The following ARHGAP42 variants were observed in gnomAD, a reference collection of about 807,000 sequenced individuals.
The protein encoded by ARHGAP42 is rho GTPase-activating protein 42.
A neutral mutation model predicts 125.0 loss-of-function variants in ARHGAP42; 63 were observed. The observed-to-expected ratio is 0.50, with a 90% confidence interval of 0.41 to 0.62. ARHGAP42 has a LOEUF of 0.62. ARHGAP42 is among the 20% of genes least tolerant of loss of function. The pLI is 0.00. For synonymous variants in ARHGAP42, 339 were observed against 351.0 expected, an observed-to-expected ratio of 0.97 and a Z score of 0.38; for missense variants, 766 against 1,024.2, an observed-to-expected ratio of 0.75 and a Z score of 3.44.
intron 2 of ARHGAP42, among the ~76,000 whole-genome samples, chr11:100,782,264 T>A (rs2135012647): frequency 6.6e-6 from 1 of 152,354 alleles, no homozygotes; most frequent in East Asian, 1.9e-4. Flanking sequence ...ATATATGTGA[T>A]TCATTATAAC....
rs570406213 is a variant in ARHGAP42 at position 100,937,125 on chromosome 11, A to G, written c.832+793A>G. On this transcript the variant is annotated intron_variant, in intron 8 of 23. Transcript: ENST00000298815. ...TTTGTTGGAGAGCAGGACACACACA[A>G]ATTTGATTTGATCCAGCAGACTCTG... Among the ~76,000 whole-genome samples, 30 of 152,292 alleles carry G rather than the reference A, an allele frequency of 2.0e-4. No homozygotes were observed. In the South Asian group the frequency reaches 6.0e-3, roughly 30 times the overall value.
At chr11:100,769,963 T>A (rs1862935303) in intron 1 of ARHGAP42, among the ~76,000 whole-genome samples, 1 of 152,102 alleles carries the variant, frequency 6.6e-6, no homozygotes, top group African/African-American at 2.4e-5. Context: ...CTGCACATCC[T>A]GGCTGTGTAT....
At chr11:100,698,594 T>A (rs1861332689) in intron 1 of ARHGAP42, among the ~76,000 whole-genome samples, 1 of 152,168 alleles carries the variant, frequency 6.6e-6, no homozygotes, top group African/African-American at 2.4e-5. Flanking sequence ...GACGGGAGAA[T>A]CACTTGAACC....
chr11:100,964,371 G>C (rs901920394), intron 16 of ARHGAP42, among the ~76,000 whole-genome samples: 1 of 151,988 alleles, frequency 6.6e-6, no homozygotes, highest in Non-Finnish European at 1.5e-5. Context: ...GAGTAGATTT[G>C]GTCACTTCAG....
At chr11:100,763,007 T>C (rs1862744913) in intron 1 of ARHGAP42, among the ~76,000 whole-genome samples, 2 of 139,802 alleles carry the variant, frequency 1.4e-5, no homozygotes. Flanking sequence ...GAGATGGAGT[T>C]TTGCTGTTGT....
At position 100,993,580 on chromosome 11, in the gene ARHGAP42, A is replaced by G. The variant is rs1321395137; in HGVS notation, c.*4779A>G. On this transcript the variant is annotated 3_prime_UTR_variant, in exon 24 of 24. Coordinates refer to ENST00000298815, the MANE Select transcript of ARHGAP42 (RefSeq NM_152432.4). ...ACAAATAGGGAATTTGGCAGGGAAG[A>G]CACCTGGGTTTTTAATTCAGAACCC... 1 of 167,072 alleles carries G rather than the reference A, an allele frequency of 6.0e-6. No individual in the cohort carries two copies. The highest frequency in any genetic ancestry group is 1.9e-4 in the East Asian group (1 of 5,190). The allele number at this position is 167,072 out of a possible 1,614,324, so 10.3% of individuals were successfully genotyped here.
chr11:100,728,704 A>C, intron 1 of ARHGAP42, among the ~76,000 whole-genome samples: 1 of 125,650 alleles, frequency 8.0e-6, no homozygotes, highest in African/African-American at 3.1e-5. Flanking sequence ...AATTATATGA[A>C]TGACTTTGCG....
intron 4 of ARHGAP42, among the ~76,000 whole-genome samples, chr11:100,867,547 A>G (rs1254411372): frequency 6.6e-6 from 1 of 152,218 alleles, no homozygotes; most frequent in Non-Finnish European, 1.5e-5. Context: ...AATTGAAGCG[A>G]GTTAGGACCG....
chr11:100,716,856 G>T (rs1469807951), intron 1 of ARHGAP42, among the ~76,000 whole-genome samples: 2 of 152,066 alleles, frequency 1.3e-5, no homozygotes. Flanking sequence ...ATTGGGTGGA[G>T]CAAAAATAAA....
At chr11:100,913,399 GT>G in intron 4 of ARHGAP42, 52 bp from the exon 5 acceptor site, 1 of 844,438 alleles carries the variant, frequency 1.2e-6, no homozygotes, top group Non-Finnish European at 1.6e-6. Flanking sequence ...GAAAGTCGGG[GT>G]TTTCTGGGTG....
At chr11:100,732,204 G>A (rs568691881) in intron 1 of ARHGAP42, among the ~76,000 whole-genome samples, 33 of 152,158 alleles carry the variant, frequency 2.2e-4, no homozygotes, top group Admixed American at 1.2e-3. Flanking sequence ...TGATCCTCCC[G>A]CATCAGCCTC....
chr11:100,809,788 C>G (rs1261427540), intron 3 of ARHGAP42, among the ~76,000 whole-genome samples: 1 of 152,038 alleles, frequency 6.6e-6, no homozygotes, highest in Non-Finnish European at 1.5e-5. Context: ...AACCCTGTTT[C>G]TGCAAAAAAT....
intron 1 of ARHGAP42, among the ~76,000 whole-genome samples, chr11:100,711,102 TTCC>T (rs1174616399): frequency 1.3e-5 from 2 of 152,248 alleles, no homozygotes; most frequent in Non-Finnish European, 2.9e-5. Context: ...CACTGTGATA[TTCC>T]AGAGCTTAGG....
chr11:100,708,745 G>A (rs1418595598), intron 1 of ARHGAP42, among the ~76,000 whole-genome samples: 2 of 151,914 alleles, frequency 1.3e-5, no homozygotes, highest in Non-Finnish European at 2.9e-5. Flanking sequence ...TATTATAATT[G>A]TATCACAGTA....
At position 100,804,272 on chromosome 11, in the gene ARHGAP42, G is replaced by T. The variant is rs1470475087; in HGVS notation, c.312+9106G>T. ...CTCAAAGTACTAGGATTGCAGGCATGAGCCACTGTGCCCAGCCTGTCTTTT... is the reference window on the plus strand; with the variant it reads ...CTCAAAGTACTAGGATTGCAGGCATTAGCCACTGTGCCCAGCCTGTCTTTT... On this transcript the variant is annotated intron_variant, in intron 3 of 23. Transcript: ENST00000298815. 2.6e-5 allele frequency among the ~76,000 whole-genome samples: 4 copies of T among 152,138 alleles called. No individual in the cohort carries two copies. The East Asian group carries it at 7.7e-4, about 29-fold the overall frequency.
chr11:100,764,565 C>T (rs575379781), intron 1 of ARHGAP42, among the ~76,000 whole-genome samples: 19 of 152,106 alleles, frequency 1.2e-4, no homozygotes, highest in Non-Finnish European at 1.5e-4. Flanking sequence ...TGAAAGTGTA[C>T]ATTAAAGCTG....
At chr11:100,797,033 C>T (rs1324322967) in intron 3 of ARHGAP42, among the ~76,000 whole-genome samples, 1 of 152,190 alleles carries the variant, frequency 6.6e-6, no homozygotes, top group Non-Finnish European at 1.5e-5. Flanking sequence ...TCCCAAAATG[C>T]TGGGATTACA....
chr11:100,786,047 C>T (rs893821394), intron 2 of ARHGAP42, among the ~76,000 whole-genome samples: 4 of 152,108 alleles, frequency 2.6e-5, no homozygotes, highest in Non-Finnish European at 4.4e-5. Flanking sequence ...TTCAGCACCT[C>T]ATATTATGAT....
chr11:100,779,465 A>AT (rs1395445182), intron 2 of ARHGAP42, among the ~76,000 whole-genome samples: 1,548 of 91,828 alleles, frequency 0.017, 35 homozygotes, highest in East Asian at 0.067. Flanking sequence ...AAAAAAAAAA[A>AT]AAATATATAT....
Sources: gnomAD v4.1 joint callset for allele counts (sites outside exome capture counted in the v4.1 genomes callset) on GRCh38, gnomAD v4.1.1 for gene constraint, MANE v1.5 for transcripts, NCBI Gene and HGNC (gene_info 2026-07-23, HGNC 2026-07-21) for gene names.